The following BMP6 variants were observed in gnomAD, a reference collection of about 807,000 sequenced individuals.
BMP6 encodes VG-1-R.
In BMP6, 17 loss-of-function variants were observed where a neutral mutation model predicts 54.1. That is an observed-to-expected ratio of 0.31 (90% confidence interval 0.22 to 0.47). BMP6 has a LOEUF of 0.47. Ranked by LOEUF, BMP6 falls within the 20% of genes least tolerant of loss-of-function variation. The probability of loss-of-function intolerance (pLI) is 1.00; values close to 1 mark genes in which losing one functional copy is unlikely to be tolerated. For synonymous variants in BMP6, 328 were observed against 291.2 expected (o/e 1.13, Z -1.28); for missense variants, 720 against 690.4 (o/e 1.04, Z -0.48).
Position 7,777,340 on chromosome 6 carries a change from C to A in BMP6, c.664+49721C>A, listed in dbSNP as rs577743124. On this transcript the variant is annotated intron_variant, in intron 1 of 6. Transcript: ENST00000283147. Reference sequence around the variant, plus strand: ...GCACATACTTCAAACGGGCAGCCTTCAAGGCAAGGGAGAGGGGCGTGGATA... The same window carrying A: ...GCACATACTTCAAACGGGCAGCCTTAAAGGCAAGGGAGAGGGGCGTGGATA... Among the ~76,000 whole-genome samples, 3 of 152,352 alleles carry A rather than the reference C, an allele frequency of 2.0e-5. No individual in the cohort carries two copies. The East Asian group carries it at 5.8e-4, about 29-fold the overall frequency.
intron 1 of BMP6, among the ~76,000 whole-genome samples, chr6:7,792,523 G>A (rs1269190578): frequency 2.6e-5 from 4 of 152,100 alleles, no homozygotes; most frequent in Admixed American, 6.5e-5. Flanking sequence ...CCACCTAATG[G>A]CTGCATAAAA....
intron 1 of BMP6, among the ~76,000 whole-genome samples, chr6:7,798,768 G>C (rs565469994): frequency 1.3e-5 from 2 of 152,306 alleles, no homozygotes; most frequent in East Asian, 3.9e-4. Flanking sequence ...ACCACATGTA[G>C]CATAAGGAAA....
At chr6:7,816,014 T>TTTAAC (rs1393555099) in intron 1 of BMP6, among the ~76,000 whole-genome samples, 3 of 152,206 alleles carry the variant, frequency 2.0e-5, no homozygotes, top group East Asian at 3.8e-4. Context: ...GTTGGCAAAA[T>TTTAAC]TGTTACAGTC....
At chr6:7,865,802 C>T (rs1164535719) in intron 4 of BMP6, among the ~76,000 whole-genome samples, 1 of 152,210 alleles carries the variant, frequency 6.6e-6, no homozygotes, top group African/African-American at 2.4e-5. Flanking sequence ...CCATGGCGTG[C>T]TCCCAGGGAG....
At chr6:7,829,598 C>T (rs1227546654) in intron 1 of BMP6, among the ~76,000 whole-genome samples, 1 of 152,170 alleles carries the variant, frequency 6.6e-6, no homozygotes, top group Non-Finnish European at 1.5e-5. Context: ...CCTAGCTACT[C>T]AGGAGGCCAA....
intron 1 of BMP6, among the ~76,000 whole-genome samples, chr6:7,778,471 ATGTGT>A (rs55708885): frequency 0.32 from 47,971 of 151,786 alleles, 7,586 homozygotes; most frequent in East Asian, 0.38. Flanking sequence ...CAGAGTCCAC[ATGTGT>A]TGTGTCTGAC....
chr6:7,752,679 C>T (rs1428713694), intron 1 of BMP6, among the ~76,000 whole-genome samples: 1 of 148,924 alleles, frequency 6.7e-6, no homozygotes, highest in African/African-American at 2.5e-5. Flanking sequence ...ATTGAGCTTT[C>T]TGGGATGGGA....
At chr6:7,730,982 G>A (rs951480577) in intron 1 of BMP6, among the ~76,000 whole-genome samples, 5 of 152,178 alleles carry the variant, frequency 3.3e-5, no homozygotes, top group African/African-American at 1.2e-4. Context: ...GAAACACCCC[G>A]AGCCTTGTAA....
rs1031719221 is a variant in BMP6, at chr6:7,726,705, C to T, written c.-251C>T. ...CGCGCCTCTAGAGACCTGCGCGAGG[C>T]TGTGAGGCTCCCCTTCCTCCCCTCC... On this transcript the variant is annotated 5_prime_UTR_variant, in exon 1 of 7. Transcript: ENST00000283147. 2.1e-4 allele frequency: 36 copies of T among 173,266 alleles called. No homozygotes were observed. The highest frequency in any genetic ancestry group is 4.0e-4 in the South Asian group (2 of 5,040). The allele number at this position is 173,266 out of a possible 1,614,324, so 10.7% of individuals were successfully genotyped here. A position where few individuals can be genotyped will look rare whatever the true frequency, so the allele number is the denominator to read the frequency against.
At chr6:7,813,841 G>C (rs1758483035) in intron 1 of BMP6, among the ~76,000 whole-genome samples, 1 of 152,008 alleles carries the variant, frequency 6.6e-6, no homozygotes. Flanking sequence ...CACCCCTACT[G>C]CCCCATCAGT....
At chr6:7,833,767 A>G (rs1203574219) in intron 1 of BMP6, among the ~76,000 whole-genome samples, 3 of 152,244 alleles carry the variant, frequency 2.0e-5, no homozygotes, top group Non-Finnish European at 4.4e-5. Flanking sequence ...CTCTTCAGAC[A>G]TTAGGCAGAG....
At chr6:7,766,227 T>G (rs1757686000) in intron 1 of BMP6, among the ~76,000 whole-genome samples, 1 of 152,342 alleles carries the variant, frequency 6.6e-6, no homozygotes. Context: ...GGAAGAAAGA[T>G]CCTATGAATG....
chr6:7,796,936 A>C (rs1308487556), intron 1 of BMP6, among the ~76,000 whole-genome samples: 1 of 152,210 alleles, frequency 6.6e-6, no homozygotes, highest in Non-Finnish European at 1.5e-5. Flanking sequence ...CGGCACAATC[A>C]TAGGCTCATA....
rs1329313659 is a variant in BMP6 at position 7,881,479 on chromosome 6, AT to A, written c.*1137del. Reference sequence around the variant, plus strand: ...TAAACTATAATTTATTGTCTATTTTATATCTGTTTTGCTGTAACATTGAAGG... The same window carrying A: ...TAAACTATAATTTATTGTCTATTTTAATCTGTTTTGCTGTAACATTGAAGG... On this transcript the variant is annotated 3_prime_UTR_variant, in exon 7 of 7. Coordinates refer to ENST00000283147, the MANE Select transcript of BMP6 (RefSeq NM_001718.6). The A allele has an allele frequency of 6.6e-6, 1 of 152,584 alleles. No homozygotes were observed. The highest frequency in any genetic ancestry group is 1.9e-4 in the East Asian group (1 of 5,202). The allele number at this position is 152,584 out of a possible 1,614,324, so 9.5% of individuals were successfully genotyped here. A position where few individuals can be genotyped will look rare whatever the true frequency, so the allele number is the denominator to read the frequency against.
intron 1 of BMP6, among the ~76,000 whole-genome samples, chr6:7,768,378 T>C (rs1471331942): frequency 6.6e-6 from 1 of 152,154 alleles, no homozygotes; most frequent in Non-Finnish European, 1.5e-5. Context: ...CACTTAGGAT[T>C]CAAGGTTTCT....
intron 1 of BMP6, among the ~76,000 whole-genome samples, chr6:7,753,064 T>A (rs934885117): frequency 4.0e-5 from 6 of 149,526 alleles, no homozygotes; most frequent in Non-Finnish European, 8.9e-5. Flanking sequence ...ATGCTGATGT[T>A]AAAAAAAAAA....
At chr6:7,799,773 T>C (rs1758242742) in intron 1 of BMP6, among the ~76,000 whole-genome samples, 1 of 152,036 alleles carries the variant, frequency 6.6e-6, no homozygotes, top group Non-Finnish European at 1.5e-5. Flanking sequence ...TCTCTGGTGC[T>C]TAAAAGCATA....
At chr6:7,742,018 G>A (rs1238140108) in intron 1 of BMP6, among the ~76,000 whole-genome samples, 1 of 152,178 alleles carries the variant, frequency 6.6e-6, no homozygotes, top group East Asian at 1.9e-4. Context: ...AATAAAACTG[G>A]TGTATGCCGT....
chr6:7,783,972 A>G (rs1054835845), intron 1 of BMP6, among the ~76,000 whole-genome samples: 1 of 152,224 alleles, frequency 6.6e-6, no homozygotes, highest in Non-Finnish European at 1.5e-5. Context: ...GTAGATAGGA[A>G]GATGTGTATT....
Sources: allele counts gnomAD v4.1 joint callset (sites outside exome capture counted in the v4.1 genomes callset), GRCh38; gene constraint gnomAD v4.1.1; transcripts MANE v1.5; gene names NCBI Gene and HGNC (gene_info 2026-07-23, HGNC 2026-07-21).